The following NKAIN3 variants were observed in gnomAD, a reference collection of about 807,000 sequenced individuals.
The protein encoded by NKAIN3 is sodium/potassium-transporting ATPase subunit beta-1-interacting protein 3.
A neutral mutation model predicts 30.2 loss-of-function variants in NKAIN3; 25 were observed. The ratio of observed to expected loss-of-function variants is 0.83; its 90% CI spans 0.60 to 1.16. The LOEUF (loss-of-function observed/expected upper bound fraction) is 1.16. Among genes scored for constraint, NKAIN3 ranks in the 50% most tolerant of loss-of-function variants. NKAIN3 has a pLI of 0.00. For missense variants in NKAIN3, 225 were observed against 254.1 expected (o/e 0.89, Z 0.78); for synonymous variants, 91 against 89.6 (o/e 1.02, Z -0.09).
At chr8:62,935,378 T>C (rs1264303577) in intron 5 of NKAIN3, among the ~76,000 whole-genome samples, 2 of 152,186 alleles carry the variant, frequency 1.3e-5, no homozygotes, top group African/African-American at 4.8e-5. Flanking sequence ...GTTTACTGCA[T>C]GCTTTCTGTG....
intron 1 of NKAIN3, among the ~76,000 whole-genome samples, chr8:62,283,377 T>C (rs1392981061): frequency 1.3e-5 from 2 of 152,124 alleles, no homozygotes; most frequent in East Asian, 1.9e-4. Flanking sequence ...GACTGTTCCA[T>C]AGAACAAAAC....
chr8:62,357,352 G>C (rs535539270), intron 1 of NKAIN3, among the ~76,000 whole-genome samples: 5 of 149,998 alleles, frequency 3.3e-5, no homozygotes, highest in Non-Finnish European at 7.4e-5. Flanking sequence ...CCAAGAGTTT[G>C]AGGCTACAGA....
At chr8:62,547,573 A>G (rs757742870) in intron 1 of NKAIN3, among the ~76,000 whole-genome samples, 1 of 152,200 alleles carries the variant, frequency 6.6e-6, no homozygotes, top group African/African-American at 2.4e-5. Flanking sequence ...AGTGATTTCA[A>G]AAAGTGCCAT....
chr8:62,473,832 G>C (rs1450569525), intron 1 of NKAIN3: 1 of 152,140 alleles, frequency 6.6e-6, no homozygotes, highest in Non-Finnish European at 1.5e-5. Context: ...GATACAGTTA[G>C]CAAATAAATA....
intron 3 of NKAIN3, among the ~76,000 whole-genome samples, chr8:62,662,839 C>T (rs528611393): frequency 1.7e-4 from 26 of 152,168 alleles, no homozygotes; most frequent in African/African-American, 6.3e-4. Context: ...AAACACTGTC[C>T]CTCTCTTAAA....
At chr8:62,507,697 T>C (rs1807685551) in intron 1 of NKAIN3, among the ~76,000 whole-genome samples, 1 of 152,210 alleles carries the variant, frequency 6.6e-6, no homozygotes, top group South Asian at 2.1e-4. Flanking sequence ...GACTCTCTTT[T>C]CCTTTCTGTT....
chr8:62,259,535 C>T (rs1022617803), intron 1 of NKAIN3, among the ~76,000 whole-genome samples: 4 of 152,024 alleles, frequency 2.6e-5, no homozygotes, highest in African/African-American at 9.7e-5. Context: ...ATTCCAAATG[C>T]CAGTTAAATG....
chr8:62,863,583 C>T, intron 4 of NKAIN3: 2 of 1,144,786 alleles, frequency 1.7e-6, no homozygotes, highest in Non-Finnish European at 2.6e-6. Context: ...ACATGTATCC[C>T]ATTCATGCCT....
At chr8:62,269,119 T>C (rs1323895124) in intron 1 of NKAIN3, among the ~76,000 whole-genome samples, 1 of 152,182 alleles carries the variant, frequency 6.6e-6, no homozygotes, top group Non-Finnish European at 1.5e-5. Flanking sequence ...GTGCGGGAGA[T>C]GTATTCTTTG....
At chr8:62,286,866 G>T (rs1387768790) in intron 1 of NKAIN3, among the ~76,000 whole-genome samples, 1 of 151,852 alleles carries the variant, frequency 6.6e-6, no homozygotes, top group East Asian at 2.0e-4. Context: ...TTTGAATAGA[G>T]ATACTTGGAA....
At chr8:62,458,220 A>C (rs529797611) in intron 1 of NKAIN3, among the ~76,000 whole-genome samples, 1 of 152,152 alleles carries the variant, frequency 6.6e-6, no homozygotes, top group African/African-American at 2.4e-5. Context: ...CAACCCTATG[A>C]CTTCATTGCT....
At chr8:62,285,009 A>T (rs1336932729) in intron 1 of NKAIN3, among the ~76,000 whole-genome samples, 1 of 152,192 alleles carries the variant, frequency 6.6e-6, no homozygotes, top group East Asian at 1.9e-4. Flanking sequence ...GTTCAGGAAT[A>T]TACTAGAATG....
At chr8:62,451,209 C>CCTTCT (rs1043351731) in intron 1 of NKAIN3, among the ~76,000 whole-genome samples, 39 of 151,532 alleles carry the variant, frequency 2.6e-4, no homozygotes, top group South Asian at 8.4e-4. Context: ...CATTGAATCG[C>CCTTCT]CTTCTCTTCT....
intron 4 of NKAIN3, among the ~76,000 whole-genome samples, chr8:62,861,183 G>A (rs556101245): frequency 1.3e-5 from 2 of 152,194 alleles, no homozygotes; most frequent in South Asian, 2.1e-4. Flanking sequence ...CATTATCTGG[G>A]GATCCTCAAA....
At chr8:62,923,025 G>A (rs966408422) in intron 5 of NKAIN3, among the ~76,000 whole-genome samples, 3 of 152,124 alleles carry the variant, frequency 2.0e-5, no homozygotes, top group Non-Finnish European at 2.9e-5. Flanking sequence ...GGCTGGGTGT[G>A]GTGGCTCAAC....
intron 3 of NKAIN3, among the ~76,000 whole-genome samples, chr8:62,632,215 ACATCTATCTC>A (rs1811985339): frequency 6.6e-6 from 1 of 152,158 alleles, no homozygotes. Context: ...GTAGATTCCC[ACATCTATCTC>A]CATATTTCTA....
chr8:62,492,179 G>C (rs1427577207), intron 1 of NKAIN3, among the ~76,000 whole-genome samples: 1 of 152,040 alleles, frequency 6.6e-6, no homozygotes, highest in Non-Finnish European at 1.5e-5. Flanking sequence ...AGAAAGAGCC[G>C]GGTCAGGGAT....
intron 1 of NKAIN3, among the ~76,000 whole-genome samples, chr8:62,411,018 G>T (rs1305675084): frequency 6.6e-6 from 1 of 152,052 alleles, no homozygotes; most frequent in African/African-American, 2.4e-5. Context: ...GGAGGCAGAG[G>T]GGCTCCTTCC....
At chr8:62,502,674 C>T (rs1807497642) in intron 1 of NKAIN3, among the ~76,000 whole-genome samples, 1 of 152,140 alleles carries the variant, frequency 6.6e-6, no homozygotes, top group Admixed American at 6.6e-5. Context: ...ACTTCTCCAG[C>T]CATTATCTAC....
Sources: allele counts gnomAD v4.1 joint callset (sites outside exome capture counted in the v4.1 genomes callset), GRCh38; gene constraint gnomAD v4.1.1; transcripts MANE v1.5; gene names NCBI Gene and HGNC (gene_info 2026-07-23, HGNC 2026-07-21).